MREG: variants seen among roughly 807,000 people sequenced by gnomAD.
MREG encodes the protein melanoregulin, also known as dilute suppressor protein homolog.
In MREG, 31 loss-of-function variants were observed where a neutral mutation model predicts 28.5. The ratio of observed to expected loss-of-function variants is 1.09; its 90% CI spans 0.82 to 1.47. The LOEUF (loss-of-function observed/expected upper bound fraction) is 1.47, where lower values mean the gene tolerates loss of function less well. Ranked by LOEUF, MREG falls within the 40% of genes most tolerant of loss-of-function variation. The probability of loss-of-function intolerance (pLI) is 0.00; values close to 1 mark genes in which losing one functional copy is unlikely to be tolerated. For synonymous variants in MREG, 106 were observed against 95.2 expected (o/e 1.11, Z -0.66); for missense variants, 256 against 257.4 (o/e 0.99, Z 0.04).
At chr2:216,012,919 C>A (rs1694350597) in intron 1 of MREG, among the ~76,000 whole-genome samples, 1 of 152,166 alleles carries the variant, frequency 6.6e-6, no homozygotes, top group South Asian at 2.1e-4. Context: ...TTTTATCAGA[C>A]CCCTATGGAA....
intron 2 of MREG, among the ~76,000 whole-genome samples, chr2:215,956,687 C>T (rs1312242980): frequency 6.6e-6 from 1 of 152,102 alleles, no homozygotes; most frequent in Non-Finnish European, 1.5e-5. Context: ...TACAGGTGTG[C>T]ATCACCACAT....
chr2:215,985,178 A>G (rs1693534906), intron 2 of MREG, among the ~76,000 whole-genome samples: 1 of 152,266 alleles, frequency 6.6e-6, no homozygotes, highest in African/African-American at 2.4e-5. Flanking sequence ...ATTATTATTA[A>G]TATCTTAGAG....
At chr2:215,995,504 A>T in intron 2 of MREG, among the ~76,000 whole-genome samples, 5 of 122,306 alleles carry the variant, frequency 4.1e-5, no homozygotes, top group African/African-American at 7.3e-5. Context: ...ACCTCCACCC[A>T]CCCCACCCCC....
upstream of MREG, among the ~76,000 whole-genome samples, chr2:216,014,593 GA>G (rs561210732): frequency 9.9e-5 from 15 of 150,906 alleles, 1 homozygote; most frequent in South Asian, 3.1e-3. Context: ...AGGTTGCAGT[GA>G]GCCGAGATCA....
At chr2:216,033,996 T>C (rs1298352655), upstream of MREG, 2 of 152,190 alleles carry the variant, frequency 1.3e-5, no homozygotes, top group African/African-American at 2.4e-5. Context: ...TTCCCGCTGG[T>C]TGATCTTATT....
chr2:215,949,135 C>T (rs1332490682), intron 2 of MREG, among the ~76,000 whole-genome samples: 4 of 151,076 alleles, frequency 2.6e-5, no homozygotes, highest in East Asian at 3.9e-4. Context: ...TGGTGGCACA[C>T]ACCTGTAATC....
At chr2:215,995,341 A>G (rs192583862) in intron 2 of MREG, among the ~76,000 whole-genome samples, 1 of 152,254 alleles carries the variant, frequency 6.6e-6, no homozygotes, top group African/African-American at 2.4e-5. Flanking sequence ...AACCCCTCCA[A>G]AGCATCCAAC....
chr2:215,942,000 C>T (rs1011634628), downstream of MREG, among the ~76,000 whole-genome samples: 4 of 152,182 alleles, frequency 2.6e-5, no homozygotes, highest in African/African-American at 9.6e-5. Flanking sequence ...TGCTGGTGCC[C>T]TCTCACCAAT....
chr2:215,987,518 T>C (rs1693604107), intron 2 of MREG, among the ~76,000 whole-genome samples: 1 of 152,156 alleles, frequency 6.6e-6, no homozygotes, highest in South Asian at 2.1e-4. Context: ...GTGCTGGGAT[T>C]ACAGGCGTTA....
intron 2 of MREG, among the ~76,000 whole-genome samples, chr2:215,990,461 T>G (rs1226958220): frequency 6.6e-6 from 1 of 152,058 alleles, no homozygotes; most frequent in Non-Finnish European, 1.5e-5. Flanking sequence ...GTAAAGACCA[T>G]CGACACTATG....
intron 2 of MREG, among the ~76,000 whole-genome samples, chr2:215,964,840 C>CAGATAGATAGATAGAT (rs71935773): frequency 6.7e-6 from 1 of 149,626 alleles, no homozygotes; most frequent in South Asian, 2.1e-4. Context: ...GACAGACAGA[C>CAGATAGATAGATAGAT]AGATAGATAG....
chr2:215,984,278 C>T (rs982248732), intron 2 of MREG, among the ~76,000 whole-genome samples: 2 of 152,064 alleles, frequency 1.3e-5, no homozygotes, highest in South Asian at 2.1e-4. Context: ...CATGTCCATC[C>T]CACAACATGT....
In MREG at chr2:215,949,208, C is replaced by T. The variant is rs116704320; in HGVS notation, c.256-2095G>A. Among the ~76,000 whole-genome samples, 1,226 of 142,342 alleles carry T rather than the reference C, an allele frequency of 8.6e-3. 6 individuals are homozygous for T. Among genetic ancestry groups the T allele is most frequent in the Non-Finnish European group, 0.015 (996 of 65,220 alleles). The allele number at this position is 142,342 out of a possible 152,430, so 93.4% of individuals were successfully genotyped here. On this transcript the variant is annotated intron_variant, in intron 2 of 4. Coordinates refer to ENST00000263268, the MANE Select transcript of MREG (RefSeq NM_018000.3). The stretch of plus-strand genomic sequence containing the variant: ...AACTCAGGAGGCAGAGGTTGCAGTG[C>T]GCAGAGATCGCACCACTGCACTTCG...
chr2:215,994,696 A>C (rs1362070021), intron 2 of MREG, among the ~76,000 whole-genome samples: 1 of 149,794 alleles, frequency 6.7e-6, no homozygotes, highest in East Asian at 1.9e-4. Flanking sequence ...AGCACAAAAA[A>C]GACACAATGG....
chr2:215,955,282 C>A (rs1452021644), intron 2 of MREG, among the ~76,000 whole-genome samples: 1 of 152,080 alleles, frequency 6.6e-6, no homozygotes, highest in African/African-American at 2.4e-5. Flanking sequence ...GTAGAAAATG[C>A]CCCCCCATAT....
intron 2 of MREG, among the ~76,000 whole-genome samples, chr2:215,960,671 T>C (rs1692757759): frequency 6.6e-6 from 1 of 151,736 alleles, no homozygotes; most frequent in African/African-American, 2.4e-5. Flanking sequence ...CCGTCTCTAC[T>C]AAAAATACAA....
intron 2 of MREG, among the ~76,000 whole-genome samples, chr2:215,949,062 ACTACTAC>A (rs1692397408): frequency 7.1e-6 from 1 of 141,232 alleles, no homozygotes; most frequent in African/African-American, 2.6e-5. Context: ...TACTACTACT[ACTACTAC>A]TACTACTACT....
Position 215,943,580 on chromosome 2 carries a change from G to A in MREG, c.*1283C>T, listed in dbSNP as rs189856887. On this transcript the variant is annotated 3_prime_UTR_variant, in exon 5 of 5. Transcript: ENST00000263268. ...GGCTTGGCCGGGCGCGGTGACTCAC[G>A]CCTGTAATCCCAGCACTTTGGGAGG... 3.2e-5 allele frequency: 14 copies of A among 440,836 alleles called. No individual in the cohort carries two copies. The highest frequency in any genetic ancestry group is 1.5e-4 in the South Asian group (9 of 61,942). 27.3% of individuals were successfully genotyped at this position (440,836 alleles called of 1,614,324 possible). A position where few individuals can be genotyped will look rare whatever the true frequency, so the allele number is the denominator to read the frequency against.
At chr2:215,974,990 A>T (rs1235197173) in intron 2 of MREG, among the ~76,000 whole-genome samples, 1 of 135,948 alleles carries the variant, frequency 7.4e-6, no homozygotes, top group Non-Finnish European at 1.6e-5. Flanking sequence ...ACAGGGAGAG[A>T]ATTTTATTTT....
Sources: allele counts gnomAD v4.1 joint callset (sites outside exome capture counted in the v4.1 genomes callset), GRCh38; gene constraint gnomAD v4.1.1; transcripts MANE v1.5; gene names NCBI Gene and HGNC (gene_info 2026-07-23, HGNC 2026-07-21).